Variants in SORCS3 observed in about 807,000 individuals in gnomAD.
The protein encoded by SORCS3 is sortilin related VPS10 domain containing receptor 3.
A neutral mutation model predicts 146.3 loss-of-function variants in SORCS3; 57 were observed. The observed-to-expected ratio is 0.39, with a 90% CI of 0.31 to 0.49. The LOEUF is 0.49. SORCS3 is among the 20% of genes least tolerant of loss of function. The pLI, the probability that SORCS3 is intolerant of heterozygous loss-of-function variation, is 0.92. For synonymous variants in SORCS3, 653 were observed against 618.5 expected (o/e 1.06, Z -0.83); for missense variants, 1,341 against 1,575.5 (o/e 0.85, Z 2.52).
At chr10:104,681,283 GCTTCCTGGCA>G (rs1447191764) in intron 1 of SORCS3, among the ~76,000 whole-genome samples, 1 of 152,128 alleles carries the variant, frequency 6.6e-6, no homozygotes, top group Admixed American at 6.5e-5. Context: ...AGTGCCGCAG[GCTTCCTGGCA>G]CCCTGGAGTC....
rs757739011 is a variant in SORCS3, at chr10:105,263,422, A to T, written c.*48A>T. The T allele has an allele frequency of 1.8e-5, 27 of 1,530,274 alleles. No individual in the cohort carries two copies. The highest frequency in any genetic ancestry group is 2.4e-5 in the Non-Finnish European group (27 of 1,105,342). The allele number at this position is 1,530,274 out of a possible 1,614,324, so 94.8% of individuals were successfully genotyped here. ...CCACCTTTCTGACTTTTTATTTTTGATGATTACTATTACTATTATTATGGA... is the reference window on the plus strand; with the variant it reads ...CCACCTTTCTGACTTTTTATTTTTGTTGATTACTATTACTATTATTATGGA... On this transcript the variant is annotated 3_prime_UTR_variant, in exon 27 of 27. Coordinates refer to ENST00000369701, the MANE Select transcript of SORCS3 (RefSeq NM_014978.3).
intron 1 of SORCS3, among the ~76,000 whole-genome samples, chr10:104,753,437 G>A (rs895537909): frequency 4.6e-5 from 7 of 152,186 alleles, no homozygotes; most frequent in Non-Finnish European, 7.3e-5. Flanking sequence ...CTAAAGACCC[G>A]AATGAAAGTT....
At chr10:104,864,178 A>G (rs1167122429) in intron 2 of SORCS3, among the ~76,000 whole-genome samples, 1 of 152,194 alleles carries the variant, frequency 6.6e-6, no homozygotes, top group African/African-American at 2.4e-5. Context: ...GGGATGTAGT[A>G]TGGTTTTCTG....
chr10:105,112,958 A>C (rs1156795090), intron 7 of SORCS3, among the ~76,000 whole-genome samples: 2 of 152,312 alleles, frequency 1.3e-5, no homozygotes, highest in Non-Finnish European at 2.9e-5. Context: ...GAAAGAAGAA[A>C]CAACCTCACA....
chr10:104,709,343 G>A (rs572924012), intron 1 of SORCS3, among the ~76,000 whole-genome samples: 5 of 152,086 alleles, frequency 3.3e-5, no homozygotes, highest in Non-Finnish European at 7.4e-5. Context: ...AATGAACAGT[G>A]GTCTCCAAGG....
At chr10:104,986,204 T>G (rs1227994599) in intron 4 of SORCS3, among the ~76,000 whole-genome samples, 6 of 152,256 alleles carry the variant, frequency 3.9e-5, no homozygotes, top group Non-Finnish European at 5.9e-5. Flanking sequence ...CCATCAGCAC[T>G]TGCTGCTTTA....
At chr10:105,010,003 T>C (rs1564734141) in intron 4 of SORCS3, among the ~76,000 whole-genome samples, 1 of 152,142 alleles carries the variant, frequency 6.6e-6, no homozygotes, top group Non-Finnish European at 1.5e-5. Flanking sequence ...CTAAGATTTG[T>C]CCCAAAGTCA....
At chr10:105,058,789 G>T (rs1411566910) in intron 5 of SORCS3, among the ~76,000 whole-genome samples, 1 of 152,130 alleles carries the variant, frequency 6.6e-6, no homozygotes, top group Non-Finnish European at 1.5e-5. Flanking sequence ...TACCTGAGGT[G>T]CTTGCTAAAA....
intron 1 of SORCS3, among the ~76,000 whole-genome samples, chr10:104,771,795 C>G (rs567217883): frequency 6.6e-6 from 1 of 151,552 alleles, no homozygotes; most frequent in Admixed American, 6.6e-5. Context: ...CTTCAAGCAA[C>G]CTGCATCACA....
intron 1 of SORCS3, among the ~76,000 whole-genome samples, chr10:104,651,776 C>T (rs1305227853): frequency 6.6e-6 from 1 of 152,066 alleles, no homozygotes; most frequent in African/African-American, 2.4e-5. Flanking sequence ...CCGGGGTGTT[C>T]CTTTGCTCTG....
At chr10:105,116,079 T>C (rs2055891721) in intron 7 of SORCS3, among the ~76,000 whole-genome samples, 1 of 152,228 alleles carries the variant, frequency 6.6e-6, no homozygotes, top group African/African-American at 2.4e-5. Context: ...GCATCTCCTA[T>C]ATGTGTAATG....
At chr10:104,662,467 G>A (rs1217211823) in intron 1 of SORCS3, among the ~76,000 whole-genome samples, 2 of 152,188 alleles carry the variant, frequency 1.3e-5, no homozygotes, top group Non-Finnish European at 2.9e-5. Context: ...ATGTCACAAA[G>A]CTGGTGAGTG....
chr10:104,790,727 G>A (rs2017487210), intron 1 of SORCS3, among the ~76,000 whole-genome samples: 1 of 152,274 alleles, frequency 6.6e-6, no homozygotes, highest in South Asian at 2.1e-4. Context: ...CTATTCTACT[G>A]TTTAGTATAT....
chr10:104,713,641 T>A (rs2016444534), intron 1 of SORCS3, among the ~76,000 whole-genome samples: 1 of 152,210 alleles, frequency 6.6e-6, no homozygotes, highest in African/African-American at 2.4e-5. Flanking sequence ...CTGGGATAAA[T>A]CCCATTTGGT....
intron 3 of SORCS3, among the ~76,000 whole-genome samples, chr10:104,957,517 T>A (rs1301659855): frequency 2.0e-5 from 3 of 151,820 alleles, no homozygotes; most frequent in Admixed American, 6.6e-5. Context: ...AGGGTTTGTG[T>A]GGTATTGTTT....
intron 1 of SORCS3, among the ~76,000 whole-genome samples, chr10:104,836,971 C>A (rs1233208859): frequency 6.6e-6 from 1 of 152,164 alleles, no homozygotes; most frequent in Non-Finnish European, 1.5e-5. Context: ...GCTCATATAA[C>A]CCCTCCTTCA....
At chr10:105,093,156 A>G (rs2055722010) in intron 6 of SORCS3, among the ~76,000 whole-genome samples, 2 of 152,194 alleles carry the variant, frequency 1.3e-5, no homozygotes, top group Non-Finnish European at 2.9e-5. Context: ...TGTAGAAAGG[A>G]TATTATTTTC....
chr10:104,946,250 A>C (rs1302061948), intron 3 of SORCS3, among the ~76,000 whole-genome samples: 1 of 151,548 alleles, frequency 6.6e-6, no homozygotes, highest in Non-Finnish European at 1.5e-5. Context: ...GAGAATAAAG[A>C]GTTGCAAATA....
chr10:105,147,586 G>T (rs764026671), intron 8 of SORCS3, 31 bp from the exon 9 acceptor site: 8 of 1,576,708 alleles, frequency 5.1e-6, no homozygotes, highest in Non-Finnish European at 6.9e-6. Flanking sequence ...ATGGAGATCT[G>T]CTGCCTTACA....
Sources: gnomAD v4.1 joint callset for allele counts (sites outside exome capture counted in the v4.1 genomes callset) on GRCh38, gnomAD v4.1.1 for gene constraint, MANE v1.5 for transcripts, NCBI Gene and HGNC (gene_info 2026-07-23, HGNC 2026-07-21) for gene names.